The following RDX variants were observed in gnomAD, a reference collection of about 807,000 sequenced individuals.
RDX encodes the protein deafness, autosomal recessive 24.
RDX carries 32 observed loss-of-function variants against 83.7 expected under a neutral mutation model. That is an observed-to-expected ratio of 0.38 (90% confidence interval 0.29 to 0.51). The LOEUF is 0.51. Among genes scored for constraint, RDX ranks in the 20% least tolerant of loss-of-function variants. The pLI, the probability that RDX is intolerant of heterozygous loss-of-function variation, is 0.87. For synonymous variants in RDX, 229 were observed against 222.7 expected, an observed-to-expected ratio of 1.03 and a Z score of -0.25; for missense variants, 600 against 689.9, an observed-to-expected ratio of 0.87 and a Z score of 1.46.
At chr11:110,251,556 C>T (rs1408943042) in intron 9 of RDX, among the ~76,000 whole-genome samples, 1 of 152,108 alleles carries the variant, frequency 6.6e-6, no homozygotes, top group Non-Finnish European at 1.5e-5. Context: ...TTATCTAGTT[C>T]CAAAGCCTGT....
chr11:110,205,125 T>C (rs1012349991), intron 14 of RDX, among the ~76,000 whole-genome samples: 4 of 151,966 alleles, frequency 2.6e-5, no homozygotes, highest in African/African-American at 9.7e-5. Flanking sequence ...GAAATGGCAA[T>C]GGGATCAATA....
downstream of RDX, among the ~76,000 whole-genome samples, chr11:110,227,417 A>T (rs1320247628): frequency 2.6e-5 from 4 of 152,286 alleles, no homozygotes; most frequent in East Asian, 7.7e-4. Flanking sequence ...TGGCATGCAT[A>T]AATATAAAAA....
chr11:110,281,243 A>T (rs1195020995), intron 1 of RDX, among the ~76,000 whole-genome samples: 1 of 152,248 alleles, frequency 6.6e-6, no homozygotes, highest in African/African-American at 2.4e-5. Flanking sequence ...AAATTTAGGT[A>T]AGGCCATTTC....
intron 14 of RDX, among the ~76,000 whole-genome samples, chr11:110,221,955 T>G (rs530981160): frequency 3.2e-4 from 48 of 152,232 alleles, no homozygotes; most frequent in African/African-American, 1.2e-3. Flanking sequence ...ATTCCAACAG[T>G]GCACAAACAG....
chr11:110,220,536 A>G (rs2134275037), intron 14 of RDX, among the ~76,000 whole-genome samples: 1 of 152,208 alleles, frequency 6.6e-6, no homozygotes, highest in African/African-American at 2.4e-5. Flanking sequence ...TTTTTGAGAC[A>G]GAGTTTTGCT....
intron 15 of RDX, among the ~76,000 whole-genome samples, chr11:110,183,494 T>C (rs549679506): frequency 6.6e-6 from 1 of 152,266 alleles, no homozygotes; most frequent in South Asian, 2.1e-4. Context: ...GCCCAGCCAA[T>C]TTATTTTTCT....
chr11:110,272,843 C>T, intron 2 of RDX: 1 of 548,200 alleles, frequency 1.8e-6, no homozygotes, highest in Non-Finnish European at 3.3e-6. Context: ...TCTCATTTAG[C>T]CCTTGCTATA....
chr11:110,233,829 G>C lies in RDX; in HGVS notation c.1345-350C>G, dbSNP rs543665941. On this transcript the variant is annotated intron_variant, in intron 12 of 13. Transcript: ENST00000645495. ...AAATAGATATTCATATAATGCCTAAGAATCTCACACCCAATAGATTTTATT... is the reference window on the plus strand; with the variant it reads ...AAATAGATATTCATATAATGCCTAACAATCTCACACCCAATAGATTTTATT... Among the ~76,000 whole-genome samples, 9 of 152,260 alleles carry C rather than the reference G, an allele frequency of 5.9e-5. No individual in the cohort carries two copies. The South Asian group carries it at 1.9e-3, about 32-fold the overall frequency.
At chr11:110,257,264 T>C (rs1201208870) in intron 7 of RDX, among the ~76,000 whole-genome samples, 2 of 151,842 alleles carry the variant, frequency 1.3e-5, no homozygotes, top group Non-Finnish European at 2.9e-5. Context: ...TCAATATGTG[T>C]AATACAGGGA....
At chr11:110,264,738 TTAACA>T (rs780188643) in intron 4 of RDX, 36 bp downstream of exon 4, 34 of 1,391,420 alleles carry the variant, frequency 2.4e-5, no homozygotes, top group Admixed American at 1.8e-4. Flanking sequence ...TAACTTCAAC[TTAACA>T]TAATTATTAG....
At chr11:110,244,390 A>C (rs1591145182) in intron 10 of RDX, among the ~76,000 whole-genome samples, 1 of 145,416 alleles carries the variant, frequency 6.9e-6, no homozygotes, top group Admixed American at 6.8e-5. Context: ...AAAAAAAAAG[A>C]GAGTGGAGTG....
intron 5 of RDX, 75 bp from the exon 6 acceptor site, chr11:110,258,264 C>T: frequency 2.1e-6 from 2 of 971,860 alleles, no homozygotes; most frequent in Non-Finnish European, 3.1e-6. Context: ...AGTAAAGAAT[C>T]CTTTCAGTAA....
At chr11:110,221,320 G>T (rs999692070) in intron 14 of RDX, among the ~76,000 whole-genome samples, 5 of 151,982 alleles carry the variant, frequency 3.3e-5, no homozygotes, top group Non-Finnish European at 5.9e-5. Flanking sequence ...AGATCAGGCT[G>T]GGTGTGGTAG....
intron 5 of RDX, among the ~76,000 whole-genome samples, chr11:110,262,479 G>C (rs1263058258): frequency 6.6e-6 from 1 of 152,094 alleles, no homozygotes; most frequent in Admixed American, 6.5e-5. Context: ...CAGCTGCTCA[G>C]GAGGAGACTG....
intron 2 of RDX, chr11:110,272,892 A>G (rs1235568344): frequency 6.1e-6 from 3 of 490,464 alleles, no homozygotes; most frequent in South Asian, 1.6e-5. Context: ...CAGAAACGCA[A>G]AGAGTTTCCA....
chr11:110,251,009 C>T (rs541573520), intron 9 of RDX, among the ~76,000 whole-genome samples: 1 of 152,284 alleles, frequency 6.6e-6, no homozygotes, highest in African/African-American at 2.4e-5. Context: ...CATAGGCACA[C>T]CACACATATT....
chr11:110,198,703 C>T (rs1245189831), intron 15 of RDX, among the ~76,000 whole-genome samples: 1 of 152,234 alleles, frequency 6.6e-6, no homozygotes, highest in African/African-American at 2.4e-5. Flanking sequence ...ACCCCACTCC[C>T]AGCCCATGGA....
chr11:110,260,723 C>G lies in RDX; in HGVS notation c.468-2534G>C, dbSNP rs572949708. On this transcript the variant is annotated intron_variant, in intron 5 of 13. Transcript: ENST00000645495. Reference sequence around the variant, plus strand: ...CCTTGGATACCAAAAACTGTGGATGCTCAAGTCCCTGATATAAAATGGTGC... The same window carrying G: ...CCTTGGATACCAAAAACTGTGGATGGTCAAGTCCCTGATATAAAATGGTGC... Among the ~76,000 whole-genome samples the G allele has an allele frequency of 2.0e-4, 31 of 152,312 alleles. 1 individual carries two copies. The South Asian group carries it at 5.0e-3, about 24-fold the overall frequency.
chr11:110,241,617 C>T (rs1252562630), intron 10 of RDX, among the ~76,000 whole-genome samples: 5 of 152,142 alleles, frequency 3.3e-5, no homozygotes, highest in South Asian at 4.1e-4. Context: ...ATAATTAATT[C>T]TTTTCATCTG....
Sources: allele counts gnomAD v4.1 joint callset (sites outside exome capture counted in the v4.1 genomes callset), GRCh38; gene constraint gnomAD v4.1.1; transcripts MANE v1.5; gene names NCBI Gene and HGNC (gene_info 2026-07-23, HGNC 2026-07-21).